Variants in CLIP4 observed in about 807,000 individuals in gnomAD.
The protein encoded by CLIP4 is CAP-Gly domain-containing linker protein 4.
In CLIP4, 47 loss-of-function variants were observed where a neutral mutation model predicts 73.1. That is an observed-to-expected ratio of 0.64 (90% CI 0.51 to 0.82). The LOEUF is 0.82. Among genes scored for constraint, CLIP4 ranks in the 40% least tolerant of loss-of-function variants. The pLI, the probability that CLIP4 is intolerant of heterozygous loss-of-function variation, is 0.00. For synonymous variants in CLIP4, 306 were observed against 295.4 expected (o/e 1.04, Z -0.37); for missense variants, 874 against 852.9 (o/e 1.02, Z -0.31).
At chr2:29,172,383 A>G (rs1453631192) in intron 14 of CLIP4, among the ~76,000 whole-genome samples, 2 of 152,080 alleles carry the variant, frequency 1.3e-5, no homozygotes, top group African/African-American at 2.4e-5. Flanking sequence ...GTCTTTTCCA[A>G]TGATAACTTT....
At chr2:29,141,948 A>AT (rs1025570860) in intron 6 of CLIP4, among the ~76,000 whole-genome samples, 1 of 151,938 alleles carries the variant, frequency 6.6e-6, no homozygotes, top group African/African-American at 2.4e-5. Context: ...AGCAAGTATT[A>AT]TTTTTTTGTT....
chr2:29,181,609 C>T lies in CLIP4; in HGVS notation c.1834C>T (p.Pro612Ser). Residue 612 changes from proline to serine, a missense_variant, in exon 16 of 16, where the codon CCC becomes TCC. Pro to Ser is a moderately conservative substitution (Grantham distance 74, BLOSUM62 -1). Transcript: ENST00000320081. ...AALRRSWSST[P>S]TAGGIEGSVK... is the part of the protein sequence containing the mutation. ...TTTGCGTCGCAGTTGGAGCAGCACC[C>T]CCACCGCAGGTGGCATTGAAGGGAG... 2 of 1,612,886 alleles carry T rather than the reference C, an allele frequency of 1.2e-6. No individual in the cohort carries two copies. The highest frequency in any genetic ancestry group is 1.7e-5 in the Admixed American group (1 of 59,954).
chr2:29,168,512 CTTTTTTTTTTTTT>C (rs35201336), intron 14 of CLIP4, among the ~76,000 whole-genome samples: 3 of 66,760 alleles, frequency 4.5e-5, no homozygotes, highest in Admixed American at 1.7e-4. Context: ...ATGGTTTGCC[CTTTTTTTTTTTTT>C]TTTTTTTTTT....
chr2:29,143,686 T>C, intron 6 of CLIP4, 23 bp from the exon 7 acceptor site: 1 of 1,520,454 alleles, frequency 6.6e-7, no homozygotes, highest in Non-Finnish European at 9.1e-7. Flanking sequence ...AGTTGAACAT[T>C]TTTCTCTTAT....
intron 9 of CLIP4, among the ~76,000 whole-genome samples, chr2:29,155,639 A>C (rs956470914): frequency 6.6e-6 from 1 of 152,210 alleles, no homozygotes; most frequent in Non-Finnish European, 1.5e-5. Flanking sequence ...GAAAAATAAA[A>C]ATTTACTCTT....
intron 15 of CLIP4, 143 bp from the exon 16 acceptor site, chr2:29,181,429 A>T (rs1668636832): frequency 4.2e-6 from 3 of 710,958 alleles, no homozygotes; most frequent in Non-Finnish European, 4.5e-6. Context: ...TTTAAAATTT[A>T]AAAATCAAGT....
chr2:29,132,062 GAT>G, intron 3 of CLIP4, 88 bp from the exon 4 acceptor site: 1 of 869,724 alleles, frequency 1.1e-6, no homozygotes, highest in South Asian at 1.5e-5. Context: ...ATTCAGATAC[GAT>G]AGACTAACTT....
At chr2:29,133,098 G>A (rs547420971) in intron 4 of CLIP4, among the ~76,000 whole-genome samples, 57 of 152,248 alleles carry the variant, frequency 3.7e-4, no homozygotes, top group African/African-American at 1.3e-3. Context: ...CGAGGTGGGA[G>A]GATCGTGTAA....
At chr2:29,163,207 C>G (rs1331562580) in intron 12 of CLIP4, among the ~76,000 whole-genome samples, 1 of 151,210 alleles carries the variant, frequency 6.6e-6, no homozygotes. Context: ...CTTTTAAATA[C>G]AAAAAGTCTT....
intron 14 of CLIP4, 110 bp downstream of exon 14, chr2:29,167,650 A>G (rs923181216): frequency 1.3e-5 from 9 of 698,336 alleles, no homozygotes; most frequent in South Asian, 2.8e-5. Flanking sequence ...CTGTATTTGT[A>G]TAGTTTTTGT....
At chr2:29,136,071 A>G (rs1310274776) in intron 6 of CLIP4, among the ~76,000 whole-genome samples, 1 of 152,182 alleles carries the variant, frequency 6.6e-6, no homozygotes, top group Non-Finnish European at 1.5e-5. Context: ...AGGATGAAGT[A>G]AGCCTTTGAA....
chr2:29,157,146 C>G, intron 10 of CLIP4, 58 bp from the exon 11 acceptor site: 1 of 1,474,478 alleles, frequency 6.8e-7, no homozygotes, highest in Non-Finnish European at 9.5e-7. Flanking sequence ...CCTTGACAAG[C>G]TGCTTCTTGG....
At chr2:29,138,412 G>T (rs1357037311) in intron 6 of CLIP4, among the ~76,000 whole-genome samples, 1 of 149,790 alleles carries the variant, frequency 6.7e-6, no homozygotes, top group Non-Finnish European at 1.5e-5. Flanking sequence ...GAGTCTTGTA[G>T]TATAATTTTA....
intron 5 of CLIP4, 80 bp from the exon 6 acceptor site, chr2:29,135,468 T>C (rs574884625): frequency 1.0e-5 from 10 of 1,004,170 alleles, no homozygotes; most frequent in Admixed American, 2.3e-5. Context: ...AAGTCCCTCC[T>C]CCCAAAGCCC....
chr2:29,149,072 C>T (rs3099558), intron 8 of CLIP4, among the ~76,000 whole-genome samples: 71,661 of 151,990 alleles, frequency 0.47, 17,900 homozygotes, highest in Non-Finnish European at 0.55. Context: ...ATGTTGTAGG[C>T]CTTGTGGGCT....
intron 4 of CLIP4, among the ~76,000 whole-genome samples, chr2:29,132,927 C>T (rs1372233184): frequency 1.3e-5 from 2 of 152,178 alleles, no homozygotes; most frequent in Non-Finnish European, 2.9e-5. Context: ...ATGATTTACA[C>T]CTGTAATCCC....
chr2:29,108,345 C>G (rs1347245774), intron 1 of CLIP4, among the ~76,000 whole-genome samples: 2 of 152,250 alleles, frequency 1.3e-5, no homozygotes, highest in Admixed American at 1.3e-4. Context: ...ATCTGATCAC[C>G]GGGCTGGCTA....
In CLIP4 at chr2:29,115,611, C is replaced by T. The variant is rs1270796393; in HGVS notation, c.-70C>T. On this transcript the variant is annotated 5_prime_UTR_variant, in exon 1 of 16. Coordinates refer to ENST00000320081, the MANE Select transcript of CLIP4 (RefSeq NM_024692.6). The surrounding 1 kb of genome is among the most constrained non-coding windows in gnomAD (Gnocchi z 5.1). ...GGCGGGAGCGCGCCTCTCGGCCTTT[C>T]CTCCGCGCCCCCGCGTCCCCAGCCG... 2 of 147,566 alleles carry T rather than the reference C, an allele frequency of 1.4e-5. No individual in the cohort carries two copies. Among genetic ancestry groups the T allele is most frequent in the South Asian group, 2.1e-4 (1 of 4,798 alleles). 9.1% of individuals were successfully genotyped at this position (147,566 alleles called of 1,614,324 possible). A position where few individuals can be genotyped will look rare whatever the true frequency, so the allele number is the denominator to read the frequency against.
upstream of CLIP4, among the ~76,000 whole-genome samples, chr2:29,111,451 G>T (rs991308322): frequency 2.0e-5 from 3 of 152,114 alleles, no homozygotes; most frequent in Non-Finnish European, 4.4e-5. Flanking sequence ...CTGGGGAGCG[G>T]GTTTTAAAAC....
Sources: allele counts gnomAD v4.1 joint callset (sites outside exome capture counted in the v4.1 genomes callset), GRCh38; gene constraint gnomAD v4.1.1; non-coding constraint Gnocchi (gnomAD v3.1); transcripts MANE v1.5; gene names NCBI Gene and HGNC (gene_info 2026-07-23, HGNC 2026-07-21).